SBF2: variants seen among roughly 807,000 people sequenced by gnomAD.
The protein encoded by SBF2 is SET binding factor 2, also known as myotubularin-related protein 13.
In SBF2, 112 loss-of-function variants were observed where a neutral mutation model predicts 225.2. That is an observed-to-expected ratio of 0.50 (90% confidence interval 0.43 to 0.58). The LOEUF is 0.58. Among genes scored for constraint, SBF2 ranks in the 20% least tolerant of loss-of-function variants. The pLI, the probability that SBF2 is intolerant of heterozygous loss-of-function variation, is 0.00. For synonymous variants in SBF2, 763 were observed against 773.3 expected, an observed-to-expected ratio of 0.99 and a Z score of 0.22; for missense variants, 1,996 against 2,206.2, an observed-to-expected ratio of 0.90 and a Z score of 1.91.
chr11:10,070,830 T>G (rs1389202945), intron 2 of SBF2, among the ~76,000 whole-genome samples: 4 of 152,210 alleles, frequency 2.6e-5, no homozygotes, highest in Admixed American at 2.6e-4. Flanking sequence ...TCCTCTTTTA[T>G]TTCGTTGAGC....
In SBF2 at chr11:9,785,457, G is replaced by GAGTT. The variant is rs1280302280; in HGVS notation, c.5038-143_5038-140dup. ...ATAATGTACAAAGGTATCAATCTCA[G>GAGTT]AGTTAGTTATCGTGGTAAAAAACTG... is the stretch of plus-strand genomic sequence containing the variant. On this transcript the variant is annotated intron_variant, in intron 36 of 39. Coordinates refer to ENST00000256190, the MANE Select transcript of SBF2 (RefSeq NM_030962.4). 234 of 727,236 alleles carry GAGTT rather than the reference G, an allele frequency of 3.2e-4. No individual in the cohort carries two copies. The East Asian group carries it at 6.2e-3, about 19-fold the overall frequency. The allele number at this position is 727,236 out of a possible 1,614,324, so 45.0% of individuals were successfully genotyped here.
intron 16 of SBF2, among the ~76,000 whole-genome samples, chr11:9,916,657 G>A (rs975342690): frequency 6.7e-6 from 1 of 150,234 alleles, no homozygotes; most frequent in Non-Finnish European, 1.5e-5. Flanking sequence ...GAGTGCAGTG[G>A]TGCAGTCATG....
intron 1 of SBF2, among the ~76,000 whole-genome samples, chr11:10,278,285 G>A (rs1475298073): frequency 1.3e-5 from 2 of 152,090 alleles, no homozygotes; most frequent in Non-Finnish European, 2.9e-5. Context: ...ATAAGTATAT[G>A]GGAAAATAAA....
At chr11:9,912,471 G>C (rs952674582) in intron 16 of SBF2, among the ~76,000 whole-genome samples, 3 of 151,760 alleles carry the variant, frequency 2.0e-5, no homozygotes, top group Non-Finnish European at 1.5e-5. Context: ...TGTAGTCTCA[G>C]CTACTTGGGA....
chr11:10,250,643 A>T (rs1431210263), intron 1 of SBF2, among the ~76,000 whole-genome samples: 1 of 152,192 alleles, frequency 6.6e-6, no homozygotes. Context: ...GTTTTATGTT[A>T]TAATAGTTAA....
chr11:10,179,292 T>C (rs1402611861), intron 2 of SBF2, among the ~76,000 whole-genome samples: 2 of 151,464 alleles, frequency 1.3e-5, no homozygotes, highest in Non-Finnish European at 2.9e-5. Context: ...CATGTATACA[T>C]ATGTAACTAA....
intron 17 of SBF2, among the ~76,000 whole-genome samples, chr11:9,892,559 T>G (rs926393634): frequency 2.0e-5 from 3 of 150,600 alleles, no homozygotes; most frequent in African/African-American, 7.3e-5. Flanking sequence ...TATATATATA[T>G]ATATAATTTT....
rs1297702082 is a variant in SBF2, at chr11:9,998,217, C to T, written c.975+49G>A. 3 of 1,093,378 alleles carry T rather than the reference C, an allele frequency of 2.7e-6. No homozygotes were observed. In the South Asian group the frequency reaches 3.9e-5, roughly 14 times the overall value. The allele number at this position is 1,093,378 out of a possible 1,614,324, so 67.7% of individuals were successfully genotyped here. On this transcript the variant is annotated intron_variant, in intron 9 of 39. Coordinates refer to ENST00000256190, the MANE Select transcript of SBF2 (RefSeq NM_030962.4). ...ACATTTTTAATTTTAGCTATCTTAGCTTCAGATTTAAATAAAGAGAAAGTT... is the reference window on the plus strand; with the variant it reads ...ACATTTTTAATTTTAGCTATCTTAGTTTCAGATTTAAATAAAGAGAAAGTT...
chr11:9,853,827 T>C (rs1422060276), intron 19 of SBF2, 115 bp from the exon 20 acceptor site: 1 of 967,648 alleles, frequency 1.0e-6, no homozygotes, highest in Non-Finnish European at 1.7e-6. Context: ...TCTACTCAAG[T>C]AGAAGGCTCA....
Position 10,301,986 on chromosome 11 carries a change from TTTTTTC to T in SBF2, n.386+2500_386+2505del, listed in dbSNP as rs1479110467. 2.6e-5 allele frequency among the ~76,000 whole-genome samples: 4 copies of T among 152,374 alleles called. No individual in the cohort carries two copies. The South Asian group carries it at 8.3e-4, about 32-fold the overall frequency. ...AGTAGATCTTCATTAACAAGGATTT[TTTTTTC>T]TTTTTCTTTTCTCTTTTCTTGCCAG... On this transcript the variant is annotated intron_variant and non_coding_transcript_variant, in intron 1 of 5. Transcript: ENST00000685217.
At chr11:10,197,741 C>T (rs532355106) in intron 1 of SBF2, among the ~76,000 whole-genome samples, 14 of 152,368 alleles carry the variant, frequency 9.2e-5, no homozygotes, top group Admixed American at 7.2e-4. Flanking sequence ...TCAAACCCTG[C>T]TGCTGCTTTA....
At chr11:10,062,508 C>A (rs1950487114) in intron 2 of SBF2, among the ~76,000 whole-genome samples, 1 of 152,152 alleles carries the variant, frequency 6.6e-6, no homozygotes, top group African/African-American at 2.4e-5. Context: ...GAACAAACAA[C>A]CTCATTAAAA....
intron 2 of SBF2, among the ~76,000 whole-genome samples, chr11:10,049,459 T>G (rs1266806244): frequency 1.3e-5 from 2 of 152,026 alleles, no homozygotes; most frequent in Non-Finnish European, 2.9e-5. Flanking sequence ...ATATAAAAAT[T>G]AGCTGGGTGT....
chr11:10,124,424 A>G (rs1953640261), intron 2 of SBF2, among the ~76,000 whole-genome samples: 1 of 152,204 alleles, frequency 6.6e-6, no homozygotes, highest in South Asian at 2.1e-4. Context: ...TTACCGTTTT[A>G]TAACTTTTTA....
intron 1 of SBF2, among the ~76,000 whole-genome samples, chr11:10,236,896 A>T (rs961752152): frequency 2.0e-5 from 3 of 152,244 alleles, no homozygotes. Flanking sequence ...AAATCTGATT[A>T]AAGGCATTAA....
intron 13 of SBF2, among the ~76,000 whole-genome samples, chr11:9,982,282 G>T (rs7106234): frequency 0.7 from 106,328 of 152,070 alleles, 37,485 homozygotes; most frequent in Non-Finnish European, 0.75. Context: ...GGTGGTTCTG[G>T]TCTCCAGTGA....
upstream of SBF2, among the ~76,000 whole-genome samples, chr11:10,296,211 A>C (rs1324348968): frequency 6.6e-6 from 1 of 152,164 alleles, no homozygotes; most frequent in Non-Finnish European, 1.5e-5. Context: ...GATACAGTAC[A>C]AGGTTGTAGC....
intron 1 of SBF2, among the ~76,000 whole-genome samples, chr11:10,282,950 C>G (rs920073255): frequency 6.6e-6 from 1 of 152,180 alleles, no homozygotes; most frequent in Non-Finnish European, 1.5e-5. Flanking sequence ...TCACTTCTCT[C>G]CATTCCTGTA....
At chr11:9,892,120 A>G (rs1403683656) in intron 17 of SBF2, among the ~76,000 whole-genome samples, 1 of 152,036 alleles carries the variant, frequency 6.6e-6, no homozygotes, top group Non-Finnish European at 1.5e-5. Context: ...AAAAAAAATT[A>G]TTTTTATTTT....
Sources: allele counts gnomAD v4.1 joint callset (sites outside exome capture counted in the v4.1 genomes callset), GRCh38; gene constraint gnomAD v4.1.1; transcripts MANE v1.5; gene names NCBI Gene and HGNC (gene_info 2026-07-23, HGNC 2026-07-21).